TTC28: variants seen among roughly 807,000 people sequenced by gnomAD.
TTC28 encodes tetratricopeptide repeat domain 28, also known as tetratricopeptide repeat protein 28.
TTC28 carries 61 observed loss-of-function variants against 198.0 expected under a neutral mutation model. The observed-to-expected ratio is 0.31, with a 90% CI of 0.25 to 0.38. TTC28 has a LOEUF of 0.38. Among genes scored for constraint, TTC28 ranks in the 10% least tolerant of loss-of-function variants. The pLI, the probability that TTC28 is intolerant of heterozygous loss-of-function variation, is 1.00. For missense variants in TTC28, 2,678 were observed against 3,164.0 expected (o/e 0.85, Z 3.69); for synonymous variants, 1,171 against 1,297.8 (o/e 0.90, Z 2.10).
At chr22:28,281,100 T>C (rs2044574284) in intron 5 of TTC28, among the ~76,000 whole-genome samples, 1 of 152,150 alleles carries the variant, frequency 6.6e-6, no homozygotes, top group Non-Finnish European at 1.5e-5. Flanking sequence ...TGTTTGAGAG[T>C]AGCTGAGGTG....
In TTC28 at chr22:27,983,568, T is replaced by C. The variant is rs1937097603; in HGVS notation, c.6099A>G (p.Arg2033=). ...GCAGCTGGCTCCTAGGCAGGGTGGA[T>C]CTCTGCAGGTAAGCGTTCTTGGACC... ...HDRSKNAYLQ[R]STLPRSQLPP... The change falls in exon 23 of 23, where the codon AGA becomes AGG. Residue 2033 remains arginine, a synonymous_variant. Transcript: ENST00000397906. 1.3e-6 allele frequency: 2 copies of C among 1,551,254 alleles called. No individual in the cohort carries two copies. Among genetic ancestry groups the C allele is most frequent in the Non-Finnish European group, 1.7e-6 (2 of 1,146,844 alleles).
intron 6 of TTC28, 59 bp downstream of exon 6, chr22:28,163,033 T>C (rs1315043024): frequency 3.4e-6 from 5 of 1,472,472 alleles, no homozygotes; most frequent in African/African-American, 1.4e-5. Context: ...AGTGATCTAC[T>C]CCAGCTATTT....
At chr22:28,407,148 G>A (rs912582201) in intron 2 of TTC28, among the ~76,000 whole-genome samples, 16 of 152,190 alleles carry the variant, frequency 1.1e-4, no homozygotes, top group African/African-American at 3.6e-4. Flanking sequence ...GTTAAAAAAA[G>A]CGGGGACACA....
At chr22:28,045,740 G>T (rs1447294552) in intron 12 of TTC28, among the ~76,000 whole-genome samples, 1 of 152,232 alleles carries the variant, frequency 6.6e-6, no homozygotes, top group African/African-American at 2.4e-5. Flanking sequence ...AAGGCAGGCA[G>T]ATCACTTGAG....
chr22:28,425,433 G>A (rs546173445), intron 2 of TTC28, among the ~76,000 whole-genome samples: 2 of 152,296 alleles, frequency 1.3e-5, no homozygotes, highest in South Asian at 4.1e-4. Context: ...GCCCATTACT[G>A]TGTCCTTCAG....
At chr22:28,037,645 A>G (rs569207591) in intron 12 of TTC28, among the ~76,000 whole-genome samples, 1 of 152,184 alleles carries the variant, frequency 6.6e-6, no homozygotes, top group Non-Finnish European at 1.5e-5. Context: ...CCTATTCAAC[A>G]TAGTGTTGGA....
At chr22:28,454,143 GC>G (rs973792577) in intron 2 of TTC28, among the ~76,000 whole-genome samples, 4 of 152,064 alleles carry the variant, frequency 2.6e-5, no homozygotes, top group South Asian at 4.1e-4. Flanking sequence ...AAATTAACCC[GC>G]CCCCCTACTC....
intron 2 of TTC28, among the ~76,000 whole-genome samples, chr22:28,579,993 CACACACACAT>C (rs1460315710): frequency 3.3e-5 from 5 of 151,800 alleles, no homozygotes; most frequent in South Asian, 2.1e-4. Flanking sequence ...ATTATACACA[CACACACACAT>C]ACACACACAC....
intron 14 of TTC28, among the ~76,000 whole-genome samples, chr22:28,014,042 C>A (rs1938257808): frequency 6.6e-6 from 1 of 152,166 alleles, no homozygotes; most frequent in Non-Finnish European, 1.5e-5. Context: ...AAGGCCTCAT[C>A]CACTACCAAC....
intron 5 of TTC28, among the ~76,000 whole-genome samples, chr22:28,197,984 A>T (rs1925542413): frequency 6.6e-6 from 1 of 152,138 alleles, no homozygotes; most frequent in African/African-American, 2.4e-5. Flanking sequence ...AGTGCAAAAA[A>T]GATTTTAAAA....
At chr22:28,673,530 T>C (rs527720488) in intron 1 of TTC28, among the ~76,000 whole-genome samples, 2 of 152,170 alleles carry the variant, frequency 1.3e-5, no homozygotes, top group African/African-American at 4.8e-5. Flanking sequence ...GTTCAGAAAA[T>C]GTTAGGACAA....
chr22:28,180,201 A>T (rs1333306395), intron 5 of TTC28, among the ~76,000 whole-genome samples: 1 of 152,214 alleles, frequency 6.6e-6, no homozygotes, highest in Admixed American at 6.5e-5. Flanking sequence ...TTGCTGCCTG[A>T]AAATCTACCC....
At chr22:28,655,343 C>A (rs2051628220) in intron 1 of TTC28, among the ~76,000 whole-genome samples, 1 of 152,114 alleles carries the variant, frequency 6.6e-6, no homozygotes, top group African/African-American at 2.4e-5. Context: ...ACTACAAACC[C>A]AATAAACATG....
chr22:28,610,115 C>G (rs1326081579), intron 2 of TTC28, among the ~76,000 whole-genome samples: 1 of 152,184 alleles, frequency 6.6e-6, no homozygotes, highest in Non-Finnish European at 1.5e-5. Context: ...AAACCCCCAT[C>G]TTCCTGGGAC....
chr22:28,379,662 T>G (rs1435037757), intron 2 of TTC28, among the ~76,000 whole-genome samples: 1 of 152,174 alleles, frequency 6.6e-6, no homozygotes, highest in Non-Finnish European at 1.5e-5. Context: ...GTACCAAGTT[T>G]CAGTTTTGCA....
At chr22:28,078,770 C>T (rs2146799477) in intron 12 of TTC28, among the ~76,000 whole-genome samples, 1 of 152,174 alleles carries the variant, frequency 6.6e-6, no homozygotes, top group Non-Finnish European at 1.5e-5. Flanking sequence ...CCTGAGCTGC[C>T]CTAGAGACTG....
intron 2 of TTC28, among the ~76,000 whole-genome samples, chr22:28,416,563 G>A (rs1027872225): frequency 5.9e-5 from 9 of 152,108 alleles, no homozygotes; most frequent in African/African-American, 1.9e-4. Flanking sequence ...TGTTGTTGTT[G>A]TTCTCCTAGA....
intron 6 of TTC28, among the ~76,000 whole-genome samples, chr22:28,131,825 G>A (rs1408739543): frequency 6.6e-6 from 1 of 152,174 alleles, no homozygotes; most frequent in Non-Finnish European, 1.5e-5. Flanking sequence ...AATGGAATCA[G>A]GCTCAACAAA....
At chr22:27,996,299 G>A in intron 16 of TTC28, 40 bp from the exon 17 acceptor site, 1 of 1,541,264 alleles carries the variant, frequency 6.5e-7, no homozygotes, top group African/African-American at 1.4e-5. Context: ...AGGGCAGCTG[G>A]AGACCCCCAG....
Sources: gnomAD v4.1 joint callset for allele counts (sites outside exome capture counted in the v4.1 genomes callset) on GRCh38, gnomAD v4.1.1 for gene constraint, MANE v1.5 for transcripts, NCBI Gene and HGNC (gene_info 2026-07-23, HGNC 2026-07-21) for gene names.